Variants in RHOH observed in about 807,000 individuals in gnomAD.
RHOH encodes the protein ras homolog family member H, also known as rho-related GTP-binding protein RhoH.
Under a neutral mutation model 13.8 loss-of-function variants are expected in RHOH, and 6 were observed. That is an observed-to-expected ratio of 0.44 (90% confidence interval 0.24 to 0.86). The LOEUF (loss-of-function observed/expected upper bound fraction) is 0.86. RHOH is among the 40% of genes least tolerant of loss of function. The pLI is 0.24. For synonymous variants in RHOH, 117 were observed against 103.0 expected, an observed-to-expected ratio of 1.14 and a Z score of -0.82; for missense variants, 147 against 244.5, an observed-to-expected ratio of 0.60 and a Z score of 2.66.
chr4:40,213,360 C>CTT (rs11358011), intron 1 of RHOH, among the ~76,000 whole-genome samples: 1 of 144,006 alleles, frequency 6.9e-6, no homozygotes, highest in African/African-American at 2.6e-5. Context: ...TCTCGTTTCT[C>CTT]TTTTTTTTTT....
At chr4:40,205,617 T>A (rs1470177715) in intron 1 of RHOH, 2 of 152,356 alleles carry the variant, frequency 1.3e-5, no homozygotes, top group African/African-American at 4.8e-5. Context: ...CAGGGCTTTG[T>A]TCATTTCCTG....
chr4:40,235,439 A>ACGCATAGTGTCTACAGCACAGACTC (rs1415094701), intron 1 of RHOH: 14 of 150,722 alleles, frequency 9.3e-5, no homozygotes, highest in African/African-American at 2.4e-4. Context: ...AAATTACAAA[A>ACGCATAGTGTCTACAGCACAGACTC]TTAGCTGGGC....
Position 40,243,810 on chromosome 4 carries a change from G to C in RHOH, c.424G>C (p.Asp142His), listed in dbSNP as rs147705292. Residue 142 changes from aspartate to histidine, a missense_variant, in exon 3 of 3, where the codon GAT (aspartate) becomes CAT (histidine). Transcript: ENST00000381799. This position sits in a 1 kb window ranked among gnomAD's most constrained non-coding sequence, Gnocchi z 6.2. ...CATGGAAGGGAAGAAACTGGCCCAG[G>C]ATGTCAGAGCCAAGGGCTACCTGGA... ...NAMEGKKLAQ[D>H]VRAKGYLECS... The C allele has an allele frequency of 1.2e-6, 2 of 1,614,164 alleles. No individual in the cohort carries two copies. The highest frequency in any genetic ancestry group is 2.7e-5 in the African/African-American group (2 of 75,050).
At chr4:40,221,430 C>T (rs1219115525) in intron 1 of RHOH, among the ~76,000 whole-genome samples, 1 of 152,106 alleles carries the variant, frequency 6.6e-6, no homozygotes, top group Non-Finnish European at 1.5e-5. Flanking sequence ...CACCATTTTC[C>T]CAACAGCGTA....
intron 1 of RHOH, among the ~76,000 whole-genome samples, chr4:40,238,969 C>A (rs1166068917): frequency 6.6e-6 from 1 of 152,114 alleles, no homozygotes; most frequent in Non-Finnish European, 1.5e-5. Context: ...CACATGTGAC[C>A]CATTCTGAAG....
intron 1 of RHOH, among the ~76,000 whole-genome samples, chr4:40,225,253 A>G (rs1257100501): frequency 6.6e-6 from 1 of 152,170 alleles, no homozygotes; most frequent in Non-Finnish European, 1.5e-5. Flanking sequence ...CTGGACTTAC[A>G]GGCATGCACC....
At chr4:40,229,427 G>A (rs943823921) in intron 1 of RHOH, among the ~76,000 whole-genome samples, 4 of 151,920 alleles carry the variant, frequency 2.6e-5, no homozygotes, top group African/African-American at 9.7e-5. Context: ...CCTGAGGTCG[G>A]GAGTTTGAGA....
intron 1 of RHOH, among the ~76,000 whole-genome samples, chr4:40,242,270 C>T (rs944913072): frequency 3.3e-5 from 5 of 152,202 alleles, no homozygotes; most frequent in African/African-American, 1.2e-4. Flanking sequence ...AAGTGACAGG[C>T]ACTGAATATG....
intron 1 of RHOH, among the ~76,000 whole-genome samples, chr4:40,200,081 T>G (rs530275045): frequency 2.6e-5 from 4 of 151,896 alleles, no homozygotes; most frequent in Admixed American, 2.6e-4. Flanking sequence ...GGTGCACAGG[T>G]GGAGGCTGGG....
intron 1 of RHOH, among the ~76,000 whole-genome samples, chr4:40,221,257 A>G (rs962767208): frequency 6.6e-6 from 1 of 152,184 alleles, no homozygotes. Flanking sequence ...AAGTTTGGAC[A>G]TTTATCTTTC....
intron 1 of RHOH, among the ~76,000 whole-genome samples, chr4:40,198,671 A>G (rs1391734453): frequency 6.6e-6 from 1 of 152,164 alleles, no homozygotes; most frequent in Non-Finnish European, 1.5e-5. Flanking sequence ...GGCTCGGGGT[A>G]CCAGTAAGAC....
At chr4:40,192,810 G>A (rs1055279213), upstream of RHOH, among the ~76,000 whole-genome samples, 31 of 152,304 alleles carry the variant, frequency 2.0e-4, no homozygotes, top group South Asian at 8.3e-4. Flanking sequence ...CGTTGCCCAC[G>A]GTGGTTCAGT....
chr4:40,229,106 T>C (rs1036316097), intron 1 of RHOH, among the ~76,000 whole-genome samples: 2 of 152,134 alleles, frequency 1.3e-5, no homozygotes, highest in African/African-American at 4.8e-5. Flanking sequence ...GAGTCTGTAT[T>C]GAAGCGCAAG....
intron 1 of RHOH, among the ~76,000 whole-genome samples, chr4:40,208,313 T>C (rs1724884043): frequency 6.6e-6 from 1 of 152,248 alleles, no homozygotes; most frequent in African/African-American, 2.4e-5. Context: ...TTTTGTTTCC[T>C]TTGCCAATTT....
chr4:40,244,380 C>T lies in RHOH; in HGVS notation c.*418C>T, dbSNP rs2109595859. ...CCTACATCCTCGAAAACATAAACTC[C>T]TCTGTGAGTGAAATGCTTGTACGAA... On this transcript the variant is annotated 3_prime_UTR_variant, in exon 3 of 3. Transcript: ENST00000381799. 3 of 229,990 alleles carry T rather than the reference C, an allele frequency of 1.3e-5. No individual in the cohort carries two copies. In the East Asian group the frequency reaches 2.1e-4, roughly 16 times the overall value. 14.2% of individuals were successfully genotyped at this position (229,990 alleles called of 1,614,324 possible).
chr4:40,225,099 T>C (rs1727061902), intron 1 of RHOH, among the ~76,000 whole-genome samples: 1 of 152,094 alleles, frequency 6.6e-6, no homozygotes, highest in Non-Finnish European at 1.5e-5. Flanking sequence ...TTGGTAGAGA[T>C]GTTTGTTCAT....
chr4:40,220,738 C>A (rs6815093), intron 1 of RHOH, among the ~76,000 whole-genome samples: 77,447 of 152,040 alleles, frequency 0.51, 20,628 homozygotes, highest in Non-Finnish European at 0.57. Flanking sequence ...ATATTCTGTC[C>A]CTTTTTTTAG....
At chr4:40,205,803 A>G (rs1317679362) in intron 1 of RHOH, 1 of 152,204 alleles carries the variant, frequency 6.6e-6, no homozygotes, top group East Asian at 1.9e-4. Flanking sequence ...CCCTCCGGAG[A>G]AAAAGAATGT....
At chr4:40,198,000 T>C (rs1417725425) in intron 1 of RHOH, among the ~76,000 whole-genome samples, 1 of 152,212 alleles carries the variant, frequency 6.6e-6, no homozygotes, top group Non-Finnish European at 1.5e-5. Context: ...TGTCCCCTTA[T>C]TGGTTCTAAG....
Sources: allele counts gnomAD v4.1 joint callset (sites outside exome capture counted in the v4.1 genomes callset), GRCh38; gene constraint gnomAD v4.1.1; non-coding constraint Gnocchi (gnomAD v3.1); transcripts MANE v1.5; gene names NCBI Gene and HGNC (gene_info 2026-07-23, HGNC 2026-07-21).